The following CLSTN2 variants were observed in gnomAD, a reference collection of about 807,000 sequenced individuals.
CLSTN2 encodes the protein calsyntenin-2.
In CLSTN2, 48 loss-of-function variants were observed where a neutral mutation model predicts 101.2. That is an observed-to-expected ratio of 0.47 (90% CI 0.38 to 0.60). The LOEUF (loss-of-function observed/expected upper bound fraction) is 0.60, where lower values mean the gene tolerates loss of function less well. CLSTN2 is among the 20% of genes least tolerant of loss of function. The probability of loss-of-function intolerance (pLI) is 0.00; values close to 1 mark genes in which losing one functional copy is unlikely to be tolerated. For synonymous variants in CLSTN2, 481 were observed against 463.6 expected (o/e 1.04, Z -0.48); for missense variants, 1,160 against 1,238.2 (o/e 0.94, Z 0.95).
At chr3:139,976,711 G>A (rs770367956) in intron 1 of CLSTN2, among the ~76,000 whole-genome samples, 26 of 152,138 alleles carry the variant, frequency 1.7e-4, no homozygotes, top group Non-Finnish European at 3.4e-4. Context: ...CTGTGGCCTC[G>A]GACTGGTCAT....
intron 6 of CLSTN2, chr3:140,454,280 C>T (rs1335218945): frequency 6.6e-6 from 1 of 152,186 alleles, no homozygotes; most frequent in Admixed American, 6.5e-5. Flanking sequence ...ACATACCAAG[C>T]TGGAAAGCAA....
At chr3:139,961,237 C>A (rs576847797) in intron 1 of CLSTN2, among the ~76,000 whole-genome samples, 62 of 152,320 alleles carry the variant, frequency 4.1e-4, no homozygotes, top group African/African-American at 1.4e-3. Context: ...CACATCCCCC[C>A]ACCCCCAGGG....
chr3:140,090,900 C>T (rs963757247), intron 1 of CLSTN2, among the ~76,000 whole-genome samples: 2 of 152,046 alleles, frequency 1.3e-5, no homozygotes, highest in Non-Finnish European at 1.5e-5. Context: ...AAGTTAGAGG[C>T]CTTCAAATGC....
At chr3:140,422,273 T>A (rs2088515459) in intron 5 of CLSTN2, among the ~76,000 whole-genome samples, 1 of 152,086 alleles carries the variant, frequency 6.6e-6, no homozygotes, top group Non-Finnish European at 1.5e-5. Context: ...ATCACTCACA[T>A]CCCTGTAGGG....
Position 140,476,754 on chromosome 3 carries a change from G to A in CLSTN2, c.1344+10023G>A, listed in dbSNP as rs528651204. Among the ~76,000 whole-genome samples the A allele has an allele frequency of 1.2e-3, 180 of 150,820 alleles. 2 individuals are homozygous for A. Among genetic ancestry groups the A allele is most frequent in the Non-Finnish European group, 1.6e-3 (110 of 67,892 alleles). ...GCTCACTGCAAGCTCCGCCTCCTGG[G>A]TTCACACCATTCTCCTGCCTTAGCC... On this transcript the variant is annotated intron_variant, in intron 8 of 16. Transcript: ENST00000458420.
chr3:140,353,083 T>C (rs980271379), intron 2 of CLSTN2, among the ~76,000 whole-genome samples: 2 of 152,122 alleles, frequency 1.3e-5, no homozygotes, highest in Admixed American at 1.3e-4. Context: ...ATAAGTAATC[T>C]AGAGATTACT....
rs569721792 is a variant in CLSTN2, at chr3:140,566,263, G to A, written c.*10G>A. On this transcript the variant is annotated 3_prime_UTR_variant, in exon 17 of 17. Coordinates refer to ENST00000458420, the MANE Select transcript of CLSTN2 (RefSeq NM_022131.3). ...CACCCTCCCCTACTAGTGCCCAGGG[G>A]TCTGCTGCCTGGCCCACATGTCCCT... The A allele has an allele frequency of 2.6e-6, 4 of 1,555,870 alleles. No homozygotes were observed. Among genetic ancestry groups the A allele is most frequent in the African/African-American group, 1.4e-5 (1 of 73,336 alleles).
At chr3:140,255,673 C>T (rs2086598309) in intron 2 of CLSTN2, among the ~76,000 whole-genome samples, 1 of 152,054 alleles carries the variant, frequency 6.6e-6, no homozygotes, top group Admixed American at 6.6e-5. Context: ...ATCTGTGTAA[C>T]AAAATTACCT....
intron 1 of CLSTN2, among the ~76,000 whole-genome samples, chr3:139,972,944 C>T (rs1281515761): frequency 2.0e-5 from 3 of 152,186 alleles, no homozygotes; most frequent in Non-Finnish European, 2.9e-5. Flanking sequence ...ATATGTGCCT[C>T]TATTACACAT....
At chr3:140,425,254 C>A (rs772426778) in intron 5 of CLSTN2, among the ~76,000 whole-genome samples, 1 of 152,200 alleles carries the variant, frequency 6.6e-6, no homozygotes, top group Non-Finnish European at 1.5e-5. Context: ...AGCACGGAAC[C>A]CTGCCCCACA....
At chr3:139,999,265 C>A (rs1045222725) in intron 1 of CLSTN2, among the ~76,000 whole-genome samples, 2 of 152,162 alleles carry the variant, frequency 1.3e-5, no homozygotes, top group Admixed American at 6.5e-5. Flanking sequence ...TCCCTCCCTC[C>A]CTTTCCAGTA....
intron 8 of CLSTN2, among the ~76,000 whole-genome samples, chr3:140,490,770 G>A (rs1934339881): frequency 6.6e-6 from 1 of 152,048 alleles, no homozygotes; most frequent in Non-Finnish European, 1.5e-5. Flanking sequence ...ACGAGGAGCA[G>A]ACCCCACACC....
chr3:140,048,387 C>T (rs1433126800), intron 1 of CLSTN2, among the ~76,000 whole-genome samples: 2 of 152,198 alleles, frequency 1.3e-5, no homozygotes, highest in African/African-American at 4.8e-5. Context: ...GTGGGCTGTA[C>T]TGAGATTCAG....
chr3:140,341,193 C>G (rs1277848849), intron 2 of CLSTN2, among the ~76,000 whole-genome samples: 1 of 152,168 alleles, frequency 6.6e-6, no homozygotes, highest in Non-Finnish European at 1.5e-5. Flanking sequence ...CTTGTATAAT[C>G]AAAGAGAAAG....
chr3:140,186,335 G>A (rs1032449288), intron 2 of CLSTN2, among the ~76,000 whole-genome samples: 3 of 152,134 alleles, frequency 2.0e-5, no homozygotes, highest in African/African-American at 7.2e-5. Context: ...CCTGGAATTG[G>A]AGCCCACCAC....
At chr3:140,404,257 C>A (rs1201846465) in intron 3 of CLSTN2, among the ~76,000 whole-genome samples, 1 of 152,178 alleles carries the variant, frequency 6.6e-6, no homozygotes, top group African/African-American at 2.4e-5. Flanking sequence ...TAAATTCTTA[C>A]TGAATGGAGG....
chr3:140,287,399 A>G (rs1361195144), intron 2 of CLSTN2, among the ~76,000 whole-genome samples: 1 of 152,156 alleles, frequency 6.6e-6, no homozygotes, highest in Non-Finnish European at 1.5e-5. Flanking sequence ...TGGATTGTAC[A>G]GGGACAGGAG....
chr3:140,171,866 A>T (rs1321798985), intron 1 of CLSTN2, among the ~76,000 whole-genome samples: 34 of 120,812 alleles, frequency 2.8e-4, no homozygotes, highest in Non-Finnish European at 5.1e-4. Flanking sequence ...TTATATAATA[A>T]CAATATATAA....
rs543507684 is a variant in CLSTN2, at chr3:140,264,099, C to T, written c.232+88026C>T. Among the ~76,000 whole-genome samples, 4 of 152,086 alleles carry T rather than the reference C, an allele frequency of 2.6e-5. No individual in the cohort carries two copies. The South Asian group carries it at 6.2e-4, about 24-fold the overall frequency. On this transcript the variant is annotated intron_variant, in intron 2 of 16. Coordinates refer to ENST00000458420, the MANE Select transcript of CLSTN2 (RefSeq NM_022131.3). ...GTGTTTGTTCCCAGCTGAGGTCAAA[C>T]GAGGTGATGCTCTGGCTTTTTGTTT...
Sources: allele counts gnomAD v4.1 joint callset (sites outside exome capture counted in the v4.1 genomes callset), GRCh38; gene constraint gnomAD v4.1.1; transcripts MANE v1.5; gene names NCBI Gene and HGNC (gene_info 2026-07-23, HGNC 2026-07-21).